Variants in CELF2 observed in about 807,000 individuals in gnomAD.
The protein encoded by CELF2 is CUGBP Elav-like family member 2, also known as CUG triplet repeat RNA-binding protein 2.
CELF2 carries 8 observed loss-of-function variants against 62.6 expected under a neutral mutation model. That is an observed-to-expected ratio of 0.13 (90% CI 0.07 to 0.23). The LOEUF is 0.23. CELF2 is among the 10% of genes least tolerant of loss of function. The pLI is 1.00. For synonymous variants in CELF2, 258 were observed against 250.0 expected (o/e 1.03, Z -0.30); for missense variants, 333 against 671.0 (o/e 0.50, Z 5.56).
At chr10:10,469,085 C>A in the CELF2 span, among the ~76,000 whole-genome samples, 2 of 151,886 alleles carry the variant, frequency 1.3e-5, no homozygotes, top group Admixed American at 6.6e-5. Flanking sequence ...CCTTGCATAA[C>A]GTTTTAGTGT....
intron 2 of CELF2, chr10:10,946,234 AG>A (rs1273302626): frequency 2.0e-5 from 3 of 152,374 alleles, no homozygotes; most frequent in Non-Finnish European, 1.5e-5. Context: ...GATTTATATG[AG>A]CTCCAGAAAG....
chr10:11,078,356 G>A (rs1396460300), intron 1 of CELF2, among the ~76,000 whole-genome samples: 1 of 152,146 alleles, frequency 6.6e-6, no homozygotes, highest in Non-Finnish European at 1.5e-5. Flanking sequence ...CACAGAAAAT[G>A]ATTACCAAGG....
the CELF2 span, among the ~76,000 whole-genome samples, chr10:10,487,007 A>G: frequency 0.35 from 52,783 of 152,022 alleles, 9,928 homozygotes; most frequent in Admixed American, 0.43. Context: ...TGTCCATCGT[A>G]TATGCCTAGG....
In CELF2 at chr10:11,318,853, G is replaced by A. The variant is rs933436667; in HGVS notation, c.1097-2336G>A. The A allele has an allele frequency of 1.9e-5, 9 of 471,230 alleles. No homozygotes were observed. Among genetic ancestry groups the A allele is most frequent in the South Asian group, 3.1e-5 (2 of 64,568 alleles). 29.2% of individuals were successfully genotyped at this position (471,230 alleles called of 1,614,324 possible). On this transcript the variant is annotated intron_variant, in intron 10 of 12. Coordinates refer to ENST00000633077, the MANE Select transcript of CELF2 (RefSeq NM_001326342.2). This position sits in a 1 kb window ranked among gnomAD's most constrained non-coding sequence, Gnocchi z 5.4. ...TCTGGCACTCTGGAGAAGCCGAGTC[G>A]TGGAGGCTGCACATCGCAGGAAGGA...
At chr10:10,647,233 C>A in the CELF2 span, among the ~76,000 whole-genome samples, 2 of 152,056 alleles carry the variant, frequency 1.3e-5, no homozygotes, top group African/African-American at 2.4e-5. Flanking sequence ...CAGTCTCAAC[C>A]CTACACCTGC....
At chr10:10,955,482 CA>C (rs2048791124) in intron 2 of CELF2, among the ~76,000 whole-genome samples, 1 of 152,244 alleles carries the variant, frequency 6.6e-6, no homozygotes, top group Admixed American at 6.5e-5. Flanking sequence ...GAGCCCGAAA[CA>C]CAGTTCAGAA....
At chr10:10,493,852 A>G in the CELF2 span, among the ~76,000 whole-genome samples, 26 of 152,134 alleles carry the variant, frequency 1.7e-4, no homozygotes, top group African/African-American at 6.3e-4. Context: ...AAACTGTTTA[A>G]CAAGCGGTAG....
intron 2 of CELF2, among the ~76,000 whole-genome samples, chr10:11,210,889 C>T (rs1420465225): frequency 1.3e-5 from 2 of 152,188 alleles, no homozygotes; most frequent in Non-Finnish European, 2.9e-5. Context: ...TATCACAATA[C>T]CACATGTACC....
the CELF2 span, among the ~76,000 whole-genome samples, chr10:10,547,799 G>A: frequency 8.0e-5 from 12 of 150,700 alleles, no homozygotes; most frequent in African/African-American, 2.2e-4. Flanking sequence ...TAAAAGTATC[G>A]GGCTGGTTTT....
At position 11,075,353 on chromosome 10, in the gene CELF2, A is replaced by G. The variant is rs2071536944; in HGVS notation, c.74+57190A>G. 1 of 152,190 alleles carries G rather than the reference A, an allele frequency of 6.6e-6. No homozygotes were observed. The highest frequency in any genetic ancestry group is 2.4e-5 in the African/African-American group (1 of 41,432). The allele number at this position is 152,190 out of a possible 1,614,324, so 9.4% of individuals were successfully genotyped here. A position where few individuals can be genotyped will look rare whatever the true frequency, so the allele number is the denominator to read the frequency against. On this transcript the variant is annotated intron_variant, in intron 1 of 12. Coordinates refer to ENST00000633077, the MANE Select transcript of CELF2 (RefSeq NM_001326342.2). The surrounding 1 kb of genome is among the most constrained non-coding windows in gnomAD (Gnocchi z 5.4). ...CGTCTCTTCTAAAACAGAAAAAAAG[A>G]AAAGGTTAATGTGAGAACTGCCCAG...
At chr10:10,598,621 C>T in the CELF2 span, among the ~76,000 whole-genome samples, 5 of 151,970 alleles carry the variant, frequency 3.3e-5, no homozygotes, top group African/African-American at 4.8e-5. Flanking sequence ...TATTGTGTGC[C>T]TATTCAGAGA....
intron 2 of CELF2, among the ~76,000 whole-genome samples, chr10:11,213,257 C>T (rs113454103): frequency 6.6e-6 from 1 of 152,230 alleles, no homozygotes; most frequent in East Asian, 1.9e-4. Flanking sequence ...GTGACTACCC[C>T]TTACACCGAT....
chr10:10,528,175 G>C, the CELF2 span, among the ~76,000 whole-genome samples: 1 of 152,040 alleles, frequency 6.6e-6, no homozygotes, highest in Admixed American at 6.5e-5. Context: ...GTGTGTGTGT[G>C]TGTGTGATTG....
intron 5 of CELF2, among the ~76,000 whole-genome samples, chr10:11,258,313 A>G (rs548598393): frequency 1.2e-4 from 18 of 152,352 alleles, no homozygotes; most frequent in East Asian, 1.2e-3. Context: ...AAAAGCGTCA[A>G]TGTTCACATG....
chr10:10,663,631 T>C, the CELF2 span, among the ~76,000 whole-genome samples: 2 of 152,178 alleles, frequency 1.3e-5, no homozygotes, highest in Non-Finnish European at 2.9e-5. Context: ...TGCTGGAAAA[T>C]ACAGGGTAAG....
chr10:10,948,334 A>G (rs1176374925), intron 2 of CELF2: 1 of 152,118 alleles, frequency 6.6e-6, no homozygotes, highest in Non-Finnish European at 1.5e-5. Flanking sequence ...TCTCTTAGCC[A>G]GAGTAGTAGC....
intron 1 of CELF2, among the ~76,000 whole-genome samples, chr10:11,128,482 C>T (rs1172698364): frequency 6.6e-6 from 1 of 152,196 alleles, no homozygotes. Flanking sequence ...TGGCCATTTT[C>T]ACGATATTGA....
At chr10:10,672,770 C>A in the CELF2 span, among the ~76,000 whole-genome samples, 19 of 151,972 alleles carry the variant, frequency 1.3e-4, no homozygotes, top group Non-Finnish European at 1.5e-4. Flanking sequence ...AATGTGTTGG[C>A]AATTCTGGGC....
intron 1 of CELF2, among the ~76,000 whole-genome samples, chr10:10,862,478 A>T (rs952347346): frequency 6.6e-6 from 1 of 152,218 alleles, no homozygotes; most frequent in Non-Finnish European, 1.5e-5. Flanking sequence ...GACCACTTCA[A>T]GCTTCTTAGG....
Sources: gnomAD v4.1 joint callset for allele counts (sites outside exome capture counted in the v4.1 genomes callset) on GRCh38, gnomAD v4.1.1 for gene constraint, Gnocchi (gnomAD v3.1) non-coding constraint, MANE v1.5 for transcripts, NCBI Gene and HGNC (gene_info 2026-07-23, HGNC 2026-07-21) for gene names.